Variants in ZFHX3 observed in about 807,000 individuals in gnomAD.
ZFHX3 encodes zinc finger homeobox 3.
ZFHX3 carries 42 observed loss-of-function variants against 279.1 expected under a neutral mutation model. The ratio of observed to expected loss-of-function variants is 0.15; its 90% confidence interval spans 0.12 to 0.19. The LOEUF (loss-of-function observed/expected upper bound fraction) is 0.19, where lower values mean the gene tolerates loss of function less well. Ranked by LOEUF, ZFHX3 falls within the 10% of genes least tolerant of loss-of-function variation. ZFHX3 has a pLI of 1.00. For missense variants in ZFHX3, 4,981 were observed against 4,754.0 expected (o/e 1.05, Z -1.40); for synonymous variants, 2,293 against 1,957.8 (o/e 1.17, Z -4.52).
Position 72,957,079 on chromosome 16 carries a change from G to A in ZFHX3, c.2719+348C>T, listed in dbSNP as rs2106256. ...TTCCTGTAAGTTTCAGTAAATATTCGATGAAACCCCAAAGTTTTAGGTGAT... is the reference window on the plus strand; with the variant it reads ...TTCCTGTAAGTTTCAGTAAATATTCAATGAAACCCCAAAGTTTTAGGTGAT... On this transcript the variant is annotated intron_variant, in intron 2 of 9. Coordinates refer to ENST00000268489, the MANE Select transcript of ZFHX3 (RefSeq NM_006885.4). Among the ~76,000 whole-genome samples, 1,320 of 152,196 alleles carry A rather than the reference G, an allele frequency of 8.7e-3. 20 individuals carry two copies. Among genetic ancestry groups the A allele is most frequent in the African/African-American group, 0.031 (1,267 of 41,520 alleles).
At chr16:73,424,789 G>GA (rs2017782637) in intron 3 of ZFHX3, among the ~76,000 whole-genome samples, 3 of 135,882 alleles carry the variant, frequency 2.2e-5, no homozygotes, top group Non-Finnish European at 3.2e-5. Context: ...AGAAAGAAAA[G>GA]AAAAAAAAGA....
chr16:73,100,506 C>G (rs2144787161), intron 7 of ZFHX3, among the ~76,000 whole-genome samples: 1 of 152,162 alleles, frequency 6.6e-6, no homozygotes, highest in South Asian at 2.1e-4. Flanking sequence ...AGCCCCTTCA[C>G]CATACTTAAA....
At chr16:73,831,536 G>A (rs989898126) in intron 1 of ZFHX3, among the ~76,000 whole-genome samples, 3 of 152,178 alleles carry the variant, frequency 2.0e-5, no homozygotes, top group Non-Finnish European at 4.4e-5. Flanking sequence ...TAACATTCAC[G>A]GGAATGGCTT....
At chr16:73,833,835 A>G (rs1216575361) in intron 1 of ZFHX3, among the ~76,000 whole-genome samples, 2 of 149,924 alleles carry the variant, frequency 1.3e-5, no homozygotes, top group South Asian at 4.3e-4. Context: ...TTGAGCACCC[A>G]CCATATGTCG....
chr16:73,283,854 C>G (rs780669907), intron 4 of ZFHX3, among the ~76,000 whole-genome samples: 8 of 152,114 alleles, frequency 5.3e-5, no homozygotes, highest in Non-Finnish European at 1.2e-4. Flanking sequence ...GGGGCAGAGG[C>G]AGGAGGCTCA....
chr16:73,417,551 T>C (rs2017616476), intron 3 of ZFHX3, among the ~76,000 whole-genome samples: 1 of 151,826 alleles, frequency 6.6e-6, no homozygotes, highest in African/African-American at 2.4e-5. Flanking sequence ...ATTTTGATAG[T>C]TGCACCACAG....
chr16:73,457,008 T>A (rs892372108), intron 2 of ZFHX3, among the ~76,000 whole-genome samples: 2 of 152,148 alleles, frequency 1.3e-5, no homozygotes, highest in South Asian at 4.1e-4. Context: ...GGAGATAACA[T>A]TCAGGTGGAA....
chr16:73,298,500 G>A (rs997197857), intron 4 of ZFHX3, among the ~76,000 whole-genome samples: 5 of 133,974 alleles, frequency 3.7e-5, no homozygotes, highest in Non-Finnish European at 6.5e-5. Context: ...TGTTGTCGTC[G>A]TTTTTTTTTT....
At chr16:73,779,524 C>T (rs1014844303) in intron 1 of ZFHX3, among the ~76,000 whole-genome samples, 1 of 152,078 alleles carries the variant, frequency 6.6e-6, no homozygotes, top group Non-Finnish European at 1.5e-5. Context: ...CTCTCATTTA[C>T]CCTGCCGTGT....
intron 2 of ZFHX3, among the ~76,000 whole-genome samples, chr16:73,621,546 G>T (rs1026527432): frequency 6.6e-6 from 1 of 152,136 alleles, no homozygotes; most frequent in African/African-American, 2.4e-5. Flanking sequence ...GAAGGGAAAG[G>T]CCTTTACAAA....
At position 73,308,971 on chromosome 16, in the gene ZFHX3, A is replaced by G. The variant is rs117396493; in HGVS notation, c.-1194+9269T>C. ...ATTACCAATGAGGAAGTTAGATCCC[A>G]TGACAGGCTTCCTCCTGGTAGGGTT... On this transcript the variant is annotated intron_variant, in intron 4 of 17. Coordinates refer to the ZFHX3 transcript ENST00000641206. 6.8e-3 allele frequency among the ~76,000 whole-genome samples: 1,033 copies of G among 152,238 alleles called. 7 individuals carry two copies. Among genetic ancestry groups the G allele is most frequent in the Non-Finnish European group, 9.5e-3 (648 of 68,016 alleles).
intron 8 of ZFHX3, among the ~76,000 whole-genome samples, chr16:73,076,017 G>A (rs1023831981): frequency 6.6e-6 from 1 of 152,120 alleles, no homozygotes; most frequent in Non-Finnish European, 1.5e-5. Context: ...GCCACTAACA[G>A]CTGGATGGCC....
chr16:73,193,786 C>G (rs1169300771), intron 5 of ZFHX3, among the ~76,000 whole-genome samples: 1 of 152,202 alleles, frequency 6.6e-6, no homozygotes, highest in African/African-American at 2.4e-5. Flanking sequence ...AGCCGCCTGC[C>G]TCTCTGTGTT....
chr16:73,111,217 A>T (rs528897704), intron 7 of ZFHX3, among the ~76,000 whole-genome samples: 16 of 152,312 alleles, frequency 1.1e-4, no homozygotes, highest in African/African-American at 3.8e-4. Flanking sequence ...TTGGGATTAC[A>T]GGCGTGAGCC....
chr16:73,772,722 T>C (rs1247219683), intron 1 of ZFHX3, among the ~76,000 whole-genome samples: 3 of 152,152 alleles, frequency 2.0e-5, no homozygotes, highest in Non-Finnish European at 4.4e-5. Flanking sequence ...CTCTCAATGG[T>C]ATTCTTCACC....
intron 1 of ZFHX3, among the ~76,000 whole-genome samples, chr16:73,868,492 C>G (rs545206944): frequency 6.6e-6 from 1 of 152,340 alleles, no homozygotes; most frequent in East Asian, 1.9e-4. Flanking sequence ...CCACTGCACT[C>G]CAGCCTGGGC....
chr16:73,556,690 A>G (rs1201539965), intron 2 of ZFHX3, among the ~76,000 whole-genome samples: 1 of 152,060 alleles, frequency 6.6e-6, no homozygotes, highest in Non-Finnish European at 1.5e-5. Context: ...GGGGTGACCT[A>G]GCTCAAGCTG....
At chr16:72,966,189 G>A (rs1243850131) in intron 1 of ZFHX3, among the ~76,000 whole-genome samples, 1 of 152,164 alleles carries the variant, frequency 6.6e-6, no homozygotes, top group East Asian at 1.9e-4. Context: ...GACCATGCAG[G>A]CATGTCCACT....
chr16:72,824,425 C>G (rs576748035), intron 5 of ZFHX3, among the ~76,000 whole-genome samples: 2 of 152,278 alleles, frequency 1.3e-5, no homozygotes, highest in African/African-American at 4.8e-5. Context: ...TCAGGCCAAT[C>G]CTTTAGAAAA....
Sources: allele counts gnomAD v4.1 joint callset (sites outside exome capture counted in the v4.1 genomes callset), GRCh38; gene constraint gnomAD v4.1.1; transcripts MANE v1.5; gene names NCBI Gene and HGNC (gene_info 2026-07-23, HGNC 2026-07-21).